DNAJB2: variants seen among roughly 807,000 people sequenced by gnomAD.
The protein encoded by DNAJB2 is DnaJ heat shock protein family (Hsp40) member B2.
Under a neutral mutation model 33.3 loss-of-function variants are expected in DNAJB2, and 19 were observed. That is an observed-to-expected ratio of 0.57 (90% CI 0.40 to 0.84). The LOEUF (loss-of-function observed/expected upper bound fraction) is 0.84. Among genes scored for constraint, DNAJB2 ranks in the 40% least tolerant of loss-of-function variants. The probability of loss-of-function intolerance (pLI) is 0.00; values close to 1 mark genes in which losing one functional copy is unlikely to be tolerated. For synonymous variants in DNAJB2, 172 were observed against 164.6 expected (o/e 1.04, Z -0.34); for missense variants, 368 against 430.9 (o/e 0.85, Z 1.29).
Position 219,282,949 on chromosome 2 carries a change from A to G in DNAJB2, c.445+20A>G. 6.4e-7 allele frequency: 1 copy of G among 1,570,956 alleles called. No individual in the cohort carries two copies. The highest frequency in any genetic ancestry group is 8.6e-7 in the Non-Finnish European group (1 of 1,160,600). Reference sequence around the variant, plus strand: ...ACTCCGGTAAGTTCTGCCCCTTCCCACGTTTGCAAGCTCCGATTCCTGGAA... The same window carrying G: ...ACTCCGGTAAGTTCTGCCCCTTCCCGCGTTTGCAAGCTCCGATTCCTGGAA... On this transcript the variant is annotated intron_variant, in intron 6 of 8. Transcript: ENST00000336576.
chr2:219,283,067 GAC>G (rs1302476772), intron 6 of DNAJB2, 64 bp from the exon 7 acceptor site: 1 of 1,598,914 alleles, frequency 6.3e-7, no homozygotes, highest in African/African-American at 1.3e-5. Flanking sequence ...GAGCCTCGGT[GAC>G]CACAACAGGC....
rs1574903432 is a variant in DNAJB2 at position 219,286,494 on chromosome 2, T to C, written c.*1507T>C. 6 of 154,514 alleles carry C rather than the reference T, an allele frequency of 3.9e-5. No individual in the cohort carries two copies. In the South Asian group the frequency reaches 1.0e-3, roughly 26 times the overall value. 9.6% of individuals were successfully genotyped at this position (154,514 alleles called of 1,614,324 possible). On this transcript the variant is annotated 3_prime_UTR_variant, in exon 9 of 9. Coordinates refer to ENST00000336576, the MANE Select transcript of DNAJB2 (RefSeq NM_006736.6). ...GCGCAGCACCTGGGAGCGGTACCTTTCCCTTGGGCAGCCTGGGGTCCCAGG... is the reference window on the plus strand; with the variant it reads ...GCGCAGCACCTGGGAGCGGTACCTTCCCCTTGGGCAGCCTGGGGTCCCAGG...
intron 3 of DNAJB2, chr2:219,280,888 A>G: frequency 1.7e-6 from 1 of 575,710 alleles, no homozygotes; most frequent in Non-Finnish European, 3.1e-6. Flanking sequence ...GAGACCTGAA[A>G]GGGGAAGGAA....
rs1403156116 is a variant in DNAJB2 at position 219,280,586 on chromosome 2, G to T, written c.74G>T (p.Arg25Leu). The T allele has an allele frequency of 6.2e-7, 1 of 1,613,750 alleles. No individual in the cohort carries two copies. The highest frequency in any genetic ancestry group is 8.5e-7 in the Non-Finnish European group (1 of 1,179,900). Residue 25 changes from arginine to leucine, a missense_variant, in exon 3 of 9, where the codon CGC (arginine) becomes CTC (leucine). Coordinates refer to ENST00000336576, the MANE Select transcript of DNAJB2 (RefSeq NM_006736.6). The part of the protein sequence containing the change: ...SADDIKKAYR[R>L]KALQWHPDKN... ...GCACCCACTTTCTGCAGGTATCGGC[G>T]CAAGGCTCTCCAGTGGCACCCAGAC...
Position 219,283,560 on chromosome 2 carries a change from A to G in DNAJB2, c.619+71A>G. On this transcript the variant is annotated intron_variant, in intron 8 of 8. Transcript: ENST00000336576. ...CCCAACCTCAGCAGCCTCCTCCCCA[A>G]ACTGCTGCTCTCTGAACTCACTTAG... The G allele has an allele frequency of 1.2e-5, 18 of 1,479,340 alleles. No individual in the cohort carries two copies. The South Asian group carries it at 1.3e-4, about 11-fold the overall frequency. 91.6% of individuals were successfully genotyped at this position (1,479,340 alleles called of 1,614,324 possible).
Position 219,284,675 on chromosome 2 carries a change from C to T in DNAJB2, c.663C>T (p.Arg221=), listed in dbSNP as rs377593022. The T allele has an allele frequency of 1.9e-5, 31 of 1,607,414 alleles. No individual in the cohort carries two copies. The highest frequency in any genetic ancestry group is 1.0e-4 in the Admixed American group (6 of 59,824). Residue 221 remains arginine (R), a synonymous_variant, in exon 9 of 9, where the codon CGC becomes CGT. Coordinates refer to ENST00000336576, the MANE Select transcript of DNAJB2 (RefSeq NM_006736.6). The part of the protein sequence containing the change: ...DLALGLELSR[R]EQQPSVTSRS... Reference sequence around the variant, plus strand: ...CACTGGGCTTGGAGCTGAGCCGTCGCGAGCAGCAGCCGTCAGTCACTTCCA... The same window carrying T: ...CACTGGGCTTGGAGCTGAGCCGTCGTGAGCAGCAGCCGTCAGTCACTTCCA...
Position 219,279,673 on chromosome 2 carries a change from CGCAA to C in DNAJB2, c.-36-121_-36-118del. 1 of 706,290 alleles carries C rather than the reference CGCAA, an allele frequency of 1.4e-6. No homozygotes were observed. The highest frequency in any genetic ancestry group is 2.3e-6 in the Non-Finnish European group (1 of 430,408). 43.8% of individuals were successfully genotyped at this position (706,290 alleles called of 1,614,324 possible). ...TGCCGGAGGGAGCCTAGTCACCGGC[CGCAA>C]GCAGAGCCCGGTGTGCTCCGCTTCC... is the stretch of plus-strand genomic sequence containing the variant. On this transcript the variant is annotated intron_variant, in intron 1 of 8. Transcript: ENST00000336576. The surrounding 1 kb of genome is among the most constrained non-coding windows in gnomAD (Gnocchi z 4.9).
intron 8 of DNAJB2, 118 bp from the exon 9 acceptor site, chr2:219,284,514 A>G: frequency 7.7e-7 from 1 of 1,305,276 alleles, no homozygotes; most frequent in South Asian, 1.6e-5. Context: ...GCCAAAATGC[A>G]TGTGTGCCAA....
rs759574963 is a variant in DNAJB2, at chr2:219,286,045, G to A, written c.*1058G>A. 40 of 1,574,682 alleles carry A rather than the reference G, an allele frequency of 2.5e-5. No individual in the cohort carries two copies. The highest frequency in any genetic ancestry group is 2.9e-5 in the Non-Finnish European group (34 of 1,157,960). ...CGCTGCACAGTTCCAACAGGACAGC[G>A]CCTTCCCCCATGCGCTGGGAGGGGA... On this transcript the variant is annotated 3_prime_UTR_variant, in exon 9 of 9. Coordinates refer to ENST00000336576, the MANE Select transcript of DNAJB2 (RefSeq NM_006736.6).
intron 8 of DNAJB2, 126 bp downstream of exon 8, chr2:219,283,615 C>G: frequency 2.1e-6 from 2 of 936,072 alleles, no homozygotes; most frequent in South Asian, 3.6e-5. Flanking sequence ...ACAGGCCAGA[C>G]TGGTAGGATC....
At chr2:219,282,794 A>C in intron 5 of DNAJB2, 43 bp from the exon 6 acceptor site, 1 of 1,509,050 alleles carries the variant, frequency 6.6e-7, no homozygotes, top group Non-Finnish European at 8.9e-7. Flanking sequence ...TTTGAGGGGA[A>C]ATGTCATTAC....
chr2:219,282,746 C>T, intron 5 of DNAJB2, 91 bp from the exon 6 acceptor site: 1 of 1,258,842 alleles, frequency 7.9e-7, no homozygotes. Flanking sequence ...TACCCAGTTG[C>T]TTAGTGGTTT....
Position 219,285,395 on chromosome 2 carries a change from C to G in DNAJB2, c.*408C>G. 2.0e-6 allele frequency: 2 copies of G among 1,010,360 alleles called. No homozygotes were observed. Among genetic ancestry groups the G allele is most frequent in the Non-Finnish European group, 1.2e-6 (1 of 846,158 alleles). 62.6% of individuals were successfully genotyped at this position (1,010,360 alleles called of 1,614,324 possible). A position where few individuals can be genotyped will look rare whatever the true frequency, so the allele number is the denominator to read the frequency against. ...CGGAGCCGGCAGCTCCACTGGAGAG[C>G]AGTGCAGGCAGAGTGGAGCCTCCTG... On this transcript the variant is annotated 3_prime_UTR_variant, in exon 9 of 9. Coordinates refer to ENST00000336576, the MANE Select transcript of DNAJB2 (RefSeq NM_006736.6).
At chr2:219,280,012 TG>T (rs1382817739) in intron 2 of DNAJB2, 114 bp downstream of exon 2, 2 of 1,176,148 alleles carry the variant, frequency 1.7e-6, no homozygotes, top group Non-Finnish European at 1.2e-6. Flanking sequence ...TAGAAAGCAC[TG>T]GGGTGCTTCT....
Position 219,286,761 on chromosome 2 carries a change from G to A in DNAJB2, c.*1774G>A, listed in dbSNP as rs1401093914. On this transcript the variant is annotated 3_prime_UTR_variant, in exon 9 of 9. Coordinates refer to ENST00000336576, the MANE Select transcript of DNAJB2 (RefSeq NM_006736.6). ...ACTGCCTCTCCTCCTCCCTGCCTGGGGAGCCCAGTGGCCAGGGAGGGGAGT... is the reference window on the plus strand; with the variant it reads ...ACTGCCTCTCCTCCTCCCTGCCTGGAGAGCCCAGTGGCCAGGGAGGGGAGT... 6.6e-6 allele frequency: 1 copy of A among 152,288 alleles called. No individual in the cohort carries two copies. Among genetic ancestry groups the A allele is most frequent in the East Asian group, 1.9e-4 (1 of 5,194 alleles). The allele number at this position is 152,288 out of a possible 1,614,324, so 9.4% of individuals were successfully genotyped here.
In DNAJB2 at chr2:219,281,741, C is replaced by G. The variant is rs140172586; in HGVS notation, c.199C>G (p.Arg67Gly). ...AGAGCACAAGCGGGAGATTTACGAC[C>G]GCTATGGCCGGGAAGGGCTGACAGG... Reference protein sequence around the residue: ...SDKHKREIYDRYGREGLTGTG... With the variant: ...SDKHKREIYDGYGREGLTGTG... Residue 67 changes from arginine to glycine, a missense_variant, in exon 4 of 9, where the codon CGC (arginine) becomes GGC (glycine). Coordinates refer to ENST00000336576, the MANE Select transcript of DNAJB2 (RefSeq NM_006736.6). 2 of 1,613,956 alleles carry G rather than the reference C, an allele frequency of 1.2e-6. No homozygotes were observed. Among genetic ancestry groups the G allele is most frequent in the East Asian group, 4.5e-5 (2 of 44,876 alleles).
Position 219,279,765 on chromosome 2 carries a change from G to C in DNAJB2, c.-36-33G>C. On this transcript the variant is annotated intron_variant, in intron 1 of 8. Transcript: ENST00000336576. This position sits in a 1 kb window ranked among gnomAD's most constrained non-coding sequence, Gnocchi z 4.9. ...GCTGCAGCCACAGGGTGGGGCTCTT[G>C]GTTCTTTCCGCCTGACTCCTTCTCT... 1 of 1,583,472 alleles carries C rather than the reference G, an allele frequency of 6.3e-7. No homozygotes were observed. The highest frequency in any genetic ancestry group is 1.1e-5 in the South Asian group (1 of 89,910).
Position 219,279,747 on chromosome 2 carries a change from C to T in DNAJB2, c.-36-51C>T. The T allele has an allele frequency of 6.7e-7, 1 of 1,500,260 alleles. No individual in the cohort carries two copies. Among genetic ancestry groups the T allele is most frequent in the Admixed American group, 1.8e-5 (1 of 56,234 alleles). The allele number at this position is 1,500,260 out of a possible 1,614,324, so 92.9% of individuals were successfully genotyped here. Reference sequence around the variant, plus strand: ...CACCCGGGGAGGGGGACTGCTGCAGCCACAGGGTGGGGCTCTTGGTTCTTT... The same window carrying T: ...CACCCGGGGAGGGGGACTGCTGCAGTCACAGGGTGGGGCTCTTGGTTCTTT... On this transcript the variant is annotated intron_variant, in intron 1 of 8. Coordinates refer to ENST00000336576, the MANE Select transcript of DNAJB2 (RefSeq NM_006736.6). The surrounding 1 kb of genome is among the most constrained non-coding windows in gnomAD (Gnocchi z 4.9).
chr2:219,281,850 C>T, intron 4 of DNAJB2, 79 bp downstream of exon 4: 1 of 1,611,276 alleles, frequency 6.2e-7, no homozygotes. Flanking sequence ...AATGGAGGCT[C>T]TCTCAGGCTC....
Sources: gnomAD v4.1 joint callset for allele counts on GRCh38, gnomAD v4.1.1 for gene constraint, Gnocchi (gnomAD v3.1) non-coding constraint, MANE v1.5 for transcripts, NCBI Gene and HGNC (gene_info 2026-07-23, HGNC 2026-07-21) for gene names.